TANGO6: variants seen among roughly 807,000 people sequenced by gnomAD.
TANGO6 encodes the protein transport and golgi organization 6 homolog, also known as transport and Golgi organization protein 6 homolog.
A neutral mutation model predicts 114.2 loss-of-function variants in TANGO6; 90 were observed. That is an observed-to-expected ratio of 0.79 (90% CI 0.66 to 0.94). The LOEUF is 0.94. TANGO6 is among the 40% of genes least tolerant of loss of function. TANGO6 has a pLI of 0.00. For synonymous variants in TANGO6, 477 were observed against 509.8 expected (o/e 0.94, Z 0.87); for missense variants, 1,274 against 1,315.3 (o/e 0.97, Z 0.49).
At chr16:68,952,748 G>A (rs1290789020) in intron 14 of TANGO6, among the ~76,000 whole-genome samples, 2 of 152,056 alleles carry the variant, frequency 1.3e-5, no homozygotes, top group African/African-American at 4.8e-5. Flanking sequence ...TGCCCCAGAG[G>A]AGGATTGAAG....
chr16:68,896,682 G>T (rs190943498), intron 7 of TANGO6, among the ~76,000 whole-genome samples: 3 of 152,284 alleles, frequency 2.0e-5, no homozygotes, highest in Admixed American at 6.5e-5. Context: ...CAGTACCGAA[G>T]AAATTTACTA....
chr16:68,942,030 A>G (rs144386277), intron 14 of TANGO6, among the ~76,000 whole-genome samples: 1 of 151,956 alleles, frequency 6.6e-6, no homozygotes, highest in African/African-American at 2.4e-5. Flanking sequence ...TAATCAAAAG[A>G]CTTTAAAAGT....
intron 15 of TANGO6, among the ~76,000 whole-genome samples, chr16:69,004,998 A>G (rs1377445730): frequency 1.3e-5 from 2 of 152,214 alleles, no homozygotes; most frequent in Non-Finnish European, 2.9e-5. Flanking sequence ...TCTAGAGGGA[A>G]TGCCAATTCC....
chr16:69,073,976 A>AG (rs1158707718), intron 17 of TANGO6, among the ~76,000 whole-genome samples: 4 of 149,316 alleles, frequency 2.7e-5, no homozygotes, highest in African/African-American at 4.9e-5. Context: ...AAAAAAAAAA[A>AG]GGCACTCGGG....
chr16:69,061,107 TAAG>T (rs918751182), intron 17 of TANGO6, among the ~76,000 whole-genome samples: 1 of 152,148 alleles, frequency 6.6e-6, no homozygotes, highest in Non-Finnish European at 1.5e-5. Flanking sequence ...TAAGATCTCT[TAAG>T]GAGGGAATTT....
intron 12 of TANGO6, among the ~76,000 whole-genome samples, chr16:68,920,387 C>A (rs535888175): frequency 5.3e-5 from 8 of 152,314 alleles, no homozygotes; most frequent in African/African-American, 1.9e-4. Context: ...GCTTGGTATA[C>A]TTGAGACACT....
At chr16:68,944,666 A>T (rs1001085660) in intron 14 of TANGO6, among the ~76,000 whole-genome samples, 1 of 152,196 alleles carries the variant, frequency 6.6e-6, no homozygotes, top group Non-Finnish European at 1.5e-5. Flanking sequence ...AAGGCCCTCA[A>T]TGTGAGTACC....
At chr16:69,014,073 A>G (rs1466418369) in intron 15 of TANGO6, among the ~76,000 whole-genome samples, 1 of 152,226 alleles carries the variant, frequency 6.6e-6, no homozygotes, top group Non-Finnish European at 1.5e-5. Context: ...CAGTTTTCAT[A>G]TATCAGGATG....
At chr16:68,980,431 ATATATTT>A (rs1271550813) in intron 15 of TANGO6, among the ~76,000 whole-genome samples, 1 of 75,966 alleles carries the variant, frequency 1.3e-5, no homozygotes, top group Non-Finnish European at 2.7e-5. Context: ...ATATATATAT[ATATATTT>A]TTTTTTTTTT....
At chr16:69,053,325 GTTA>G (rs903852724) in intron 17 of TANGO6, among the ~76,000 whole-genome samples, 9 of 151,932 alleles carry the variant, frequency 5.9e-5, no homozygotes, top group African/African-American at 1.7e-4. Context: ...CAGTGTTTAT[GTTA>G]TTATGACTGT....
intron 15 of TANGO6, among the ~76,000 whole-genome samples, chr16:68,988,359 GC>G (rs1406858061): frequency 6.6e-6 from 1 of 152,106 alleles, no homozygotes; most frequent in Non-Finnish European, 1.5e-5. Context: ...TTTTTCTCCT[GC>G]CGCCTCAGAG....
chr16:68,910,699 T>C (rs1488089507), intron 11 of TANGO6, among the ~76,000 whole-genome samples: 1 of 152,190 alleles, frequency 6.6e-6, no homozygotes, highest in Non-Finnish European at 1.5e-5. Context: ...TTTTTTGAGA[T>C]GGAGTCTGTC....
At chr16:69,018,488 A>C (rs1329190978) in intron 15 of TANGO6, among the ~76,000 whole-genome samples, 1 of 151,838 alleles carries the variant, frequency 6.6e-6, no homozygotes, top group Admixed American at 6.6e-5. Context: ...AGTTACTCAT[A>C]GGTAACTCAT....
rs1596991309 is a variant in TANGO6, at chr16:68,859,873, T to G, written c.95-11T>G. ...ATGTGTATAAACTCTCCTTTTTTTC[T>G]TCTTCAAAAGGCTCGGGCTCAAGTT... On this transcript the variant is annotated splice_polypyrimidine_tract_variant and intron_variant, in intron 1 of 17. Transcript: ENST00000261778. 1.9e-6 allele frequency: 3 copies of G among 1,540,336 alleles called. No individual in the cohort carries two copies. Among genetic ancestry groups the G allele is most frequent in the Non-Finnish European group, 2.6e-6 (3 of 1,148,546 alleles).
chr16:68,938,799 G>A (rs1348683410), intron 14 of TANGO6, among the ~76,000 whole-genome samples: 1 of 151,998 alleles, frequency 6.6e-6, no homozygotes, highest in Non-Finnish European at 1.5e-5. Flanking sequence ...TTGTTCTAGA[G>A]TCAATTATCA....
chr16:68,949,486 T>C (rs1963448949), intron 14 of TANGO6, among the ~76,000 whole-genome samples: 1 of 151,900 alleles, frequency 6.6e-6, no homozygotes, highest in Non-Finnish European at 1.5e-5. Context: ...CCGGGCATGA[T>C]TGTCAGTGCC....
intron 16 of TANGO6, among the ~76,000 whole-genome samples, chr16:69,039,373 T>C (rs938793594): frequency 2.7e-5 from 4 of 146,554 alleles, no homozygotes; most frequent in African/African-American, 1.0e-4. Flanking sequence ...CGGTGGCTCA[T>C]ACCTGTAATC....
intron 15 of TANGO6, among the ~76,000 whole-genome samples, chr16:68,981,773 C>T (rs1048225952): frequency 6.6e-6 from 1 of 152,130 alleles, no homozygotes; most frequent in Non-Finnish European, 1.5e-5. Flanking sequence ...CTCCAGAATT[C>T]AAAACGTTTT....
chr16:68,977,490 G>A (rs1420579002), intron 15 of TANGO6, among the ~76,000 whole-genome samples: 2 of 150,792 alleles, frequency 1.3e-5, no homozygotes, highest in Non-Finnish European at 3.0e-5. Context: ...CCGAGACGAC[G>A]ATCAAGAGAT....
Sources: gnomAD v4.1 joint callset for allele counts (sites outside exome capture counted in the v4.1 genomes callset) on GRCh38, gnomAD v4.1.1 for gene constraint, MANE v1.5 for transcripts, NCBI Gene and HGNC (gene_info 2026-07-23, HGNC 2026-07-21) for gene names.